The following IZUMO4 variants were observed in gnomAD, a reference collection of about 807,000 sequenced individuals.
The protein encoded by IZUMO4 is izumo sperm-egg fusion protein 4.
IZUMO4 carries 51 observed loss-of-function variants against 37.1 expected under a neutral mutation model. The observed-to-expected ratio is 1.38, with a 90% CI of 1.10 to 1.74. The LOEUF (loss-of-function observed/expected upper bound fraction) is 1.74, where lower values mean the gene tolerates loss of function less well. IZUMO4 is among the 40% of genes most tolerant of loss of function. The pLI is 0.00. For synonymous variants in IZUMO4, 162 were observed against 121.4 expected, an observed-to-expected ratio of 1.33 and a Z score of -2.20; for missense variants, 364 against 299.6, an observed-to-expected ratio of 1.21 and a Z score of -1.59.
Position 2,098,054 on chromosome 19 carries a change from A to G in IZUMO4, c.400A>G (p.Ile134Val). 1 of 1,613,404 alleles carries G rather than the reference A, an allele frequency of 6.2e-7. No homozygotes were observed. The highest frequency in any genetic ancestry group is 1.1e-5 in the South Asian group (1 of 91,092). The change falls in exon 5 of 10, where the codon ATC (isoleucine) becomes GTC (valine). Residue 134 changes from isoleucine (I) to valine (V), a missense_variant and splice_region_variant. By Grantham distance (29) the Ile-to-Val change is conservative. Coordinates refer to ENST00000395301, the MANE Select transcript of IZUMO4 (RefSeq NM_001039846.2). The part of the protein sequence containing the change: ...SRIDCQHRCG[I>V]FQYETISCNN... ...GGCGGCTCTTGTACGTGTTTCAGGCATCTTCCAGTACGAGACCATCTCCTG... is the reference window on the plus strand; with the variant it reads ...GGCGGCTCTTGTACGTGTTTCAGGCGTCTTCCAGTACGAGACCATCTCCTG...
In IZUMO4 at chr19:2,097,879, T is replaced by C. The variant is rs58490024; in HGVS notation, c.371-50T>C. The stretch of plus-strand genomic sequence containing the variant: ...TTGGAGGGTTGGGAGGAGGCAGGAC[T>C]GGGGACAAGGCTGGGCCTGGTAAGA... On this transcript the variant is annotated intron_variant, in intron 3 of 9. Transcript: ENST00000395301. 3.6e-4 allele frequency: 583 copies of C among 1,609,428 alleles called. 8 individuals carry two copies. In the African/African-American group the frequency reaches 6.4e-3, roughly 18 times the overall value.
chr19:2,098,554 G>C, intron 7 of IZUMO4, 104 bp downstream of exon 7: 1 of 1,607,830 alleles, frequency 6.2e-7, no homozygotes, highest in Non-Finnish European at 8.5e-7. Context: ...CCACGTCCTA[G>C]AGGGGCTCCC....
Position 2,097,967 on chromosome 19 carries a change from T to A in IZUMO4, c.397+12T>A, listed in dbSNP as rs2017760323. ...TCAGCACCGCTGTGGTAAGCAAGGC[T>A]CCGTCCAGGCTGAGGGGCGTGCCGG... On this transcript the variant is annotated intron_variant, in intron 4 of 9. Transcript: ENST00000395301. 6.2e-7 allele frequency: 1 copy of A among 1,613,174 alleles called. No individual in the cohort carries two copies. The highest frequency in any genetic ancestry group is 8.5e-7 in the Non-Finnish European group (1 of 1,179,952).
chr19:2,098,344 G>A lies in IZUMO4; in HGVS notation c.521+10G>A, dbSNP rs1471453216. ...GCCTCCTGAACTACATGTGAGTGGGGTCTTTGGGTGGCAGCAAGCTCACCT... is the reference window on the plus strand; with the variant it reads ...GCCTCCTGAACTACATGTGAGTGGGATCTTTGGGTGGCAGCAAGCTCACCT... On this transcript the variant is annotated intron_variant, in intron 6 of 9. Transcript: ENST00000395301. 5 of 1,614,062 alleles carry A rather than the reference G, an allele frequency of 3.1e-6. No homozygotes were observed. Among genetic ancestry groups the A allele is most frequent in the Middle Eastern group, 1.7e-4 (1 of 6,060 alleles).
At chr19:2,099,220 A>G (rs754364490) in intron 9 of IZUMO4, 35 bp from the exon 10 acceptor site, 7 of 1,573,510 alleles carry the variant, frequency 4.4e-6, no homozygotes, top group South Asian at 3.3e-5. Context: ...GGGGTGGGGG[A>G]CATGGAGAGC....
chr19:2,099,134 T>C (rs900902852), intron 9 of IZUMO4, 105 bp downstream of exon 9: 5 of 1,395,672 alleles, frequency 3.6e-6, no homozygotes, highest in Non-Finnish European at 5.1e-6. Flanking sequence ...CACGAGGGTG[T>C]CGTGGATGTG....
Position 2,099,286 on chromosome 19 carries a change from C to T in IZUMO4, c.640C>T (p.Pro214Ser), listed in dbSNP as rs769755172. 3 of 1,612,858 alleles carry T rather than the reference C, an allele frequency of 1.9e-6. No homozygotes were observed. The highest frequency in any genetic ancestry group is 1.7e-6 in the Non-Finnish European group (2 of 1,179,778). Reference sequence around the variant, plus strand: ...ATCGCCAGCCTTAAGGTGTCTGGAGCCCCCACACTTGGCCAACCTGACCTT... The same window carrying T: ...ATCGCCAGCCTTAAGGTGTCTGGAGTCCCCACACTTGGCCAACCTGACCTT... Reference protein sequence around the residue: ...LVSPALRCLEPPHLANLTLED... With the variant: ...LVSPALRCLESPHLANLTLED... Residue 214 changes from proline to serine, a missense_variant, in exon 10 of 10, where the codon CCC becomes TCC. Coordinates refer to ENST00000395301, the MANE Select transcript of IZUMO4 (RefSeq NM_001039846.2).
chr19:2,097,849 A>AG, intron 3 of IZUMO4, 80 bp from the exon 4 acceptor site: 1 of 1,554,000 alleles, frequency 6.4e-7, no homozygotes, highest in Non-Finnish European at 8.9e-7. Flanking sequence ...ACAGGCCCTG[A>AG]GGCTTTGGAG....
rs2144954760 is a variant in IZUMO4, at chr19:2,098,034, C to G, written c.398-18C>G. ...TGGAGGCTGAGGGGAGCCCTGGCGGCTCTTGTACGTGTTTCAGGCATCTTC... is the reference window on the plus strand; with the variant it reads ...TGGAGGCTGAGGGGAGCCCTGGCGGGTCTTGTACGTGTTTCAGGCATCTTC... On this transcript the variant is annotated intron_variant, in intron 4 of 9. Coordinates refer to ENST00000395301, the MANE Select transcript of IZUMO4 (RefSeq NM_001039846.2). 3 of 1,613,290 alleles carry G rather than the reference C, an allele frequency of 1.9e-6. No homozygotes were observed. The highest frequency in any genetic ancestry group is 2.5e-6 in the Non-Finnish European group (3 of 1,179,990).
chr19:2,098,292 C>G lies in IZUMO4; in HGVS notation c.479C>G (p.Ser160Trp). Reference protein sequence around the residue: ...VACFGYNCESSAQWKSAVQGL... With the variant: ...VACFGYNCESWAQWKSAVQGL... ...TCCAAGCCTGTGTCCCACAGGTCCTCGGCGCAGTGGAAGTCAGCTGTCCAG... is the reference window on the plus strand; with the variant it reads ...TCCAAGCCTGTGTCCCACAGGTCCTGGGCGCAGTGGAAGTCAGCTGTCCAG... Residue 160 changes from serine (S) to tryptophan (W), a missense_variant, in exon 6 of 10, where the codon TCG becomes TGG. Ser to Trp is a radical substitution (Grantham distance 177, BLOSUM62 -3). Transcript: ENST00000395301. 6.2e-7 allele frequency: 1 copy of G among 1,613,872 alleles called. No individual in the cohort carries two copies. Among genetic ancestry groups the G allele is most frequent in the Non-Finnish European group, 8.5e-7 (1 of 1,180,034 alleles).
At chr19:2,098,000 T>A in intron 4 of IZUMO4, 45 bp downstream of exon 4, 1 of 1,613,086 alleles carries the variant, frequency 6.2e-7, no homozygotes, top group Non-Finnish European at 8.5e-7. Context: ...CGGTGGCAGC[T>A]CGGGGCCCTG....
At position 2,099,329 on chromosome 19, in the gene IZUMO4, G is replaced by A. The variant is rs765789061; in HGVS notation, c.683G>A (p.Cys228Tyr). Reference sequence around the variant, plus strand: ...CTGACCTTGGAAGATGCTGCTGAGTGTCTCAAGCAGCACTGACAGCAGCTG... The same window carrying A: ...CTGACCTTGGAAGATGCTGCTGAGTATCTCAAGCAGCACTGACAGCAGCTG... ...ANLTLEDAAE[C>Y]LKQH Residue 228 changes from cysteine to tyrosine, a missense_variant, in exon 10 of 10, where the codon TGT (cysteine) becomes TAT (tyrosine). By Grantham distance (194) the Cys-to-Tyr change is radical. Transcript: ENST00000395301. The A allele has an allele frequency of 6.2e-7, 1 of 1,612,246 alleles. No individual in the cohort carries two copies. Among genetic ancestry groups the A allele is most frequent in the African/African-American group, 1.3e-5 (1 of 74,890 alleles).
rs768114083 is a variant in IZUMO4 at position 2,099,005 on chromosome 19, GGACACACAGA to G, written c.586_595del (p.Thr196ProfsTer11). On this transcript the variant is annotated frameshift_variant, in exon 9 of 10. Transcript: ENST00000395301. LOFTEE classifies it low-confidence loss of function (END_TRUNC). ...CGCTCCTCTGCCTTCTCCTGGCCTGGGACACACAGAGCCACCCCGGCCTTGTGAGTGACCC... is the reference window on the plus strand; with the variant it reads ...CGCTCCTCTGCCTTCTCCTGGCCTGGGCCACCCCGGCCTTGTGAGTGACCC... 6.2e-6 allele frequency: 10 copies of G among 1,613,134 alleles called. No homozygotes were observed. Among genetic ancestry groups the G allele is most frequent in the Admixed American group, 1.7e-5 (1 of 60,020 alleles).
chr19:2,098,166 T>C, intron 5 of IZUMO4, 39 bp downstream of exon 5: 1 of 1,609,224 alleles, frequency 6.2e-7, no homozygotes, highest in Non-Finnish European at 8.5e-7. Context: ...GCCAGGGCCC[T>C]ACTGTCCCTG....
In IZUMO4 at chr19:2,097,349, C is replaced by A. The variant is rs1249535166; in HGVS notation, c.298+17C>A. The A allele has an allele frequency of 1.9e-6, 3 of 1,612,110 alleles. No homozygotes were observed. Among genetic ancestry groups the A allele is most frequent in the Non-Finnish European group, 2.5e-6 (3 of 1,179,532 alleles). ...ACTTCCCCGGTAAGGGGCGCGAAACCGAGGCGGGGCCCCCCCACCCCGGGA... is the reference window on the plus strand; with the variant it reads ...ACTTCCCCGGTAAGGGGCGCGAAACAGAGGCGGGGCCCCCCCACCCCGGGA... On this transcript the variant is annotated intron_variant, in intron 2 of 9. Transcript: ENST00000395301.
chr19:2,098,839 G>A (rs1415720165), intron 8 of IZUMO4, 35 bp downstream of exon 8: 6 of 1,589,618 alleles, frequency 3.8e-6, no homozygotes, highest in Middle Eastern at 1.7e-4. Context: ...CAGGGGGAGG[G>A]GGTAAAGGGA....
Position 2,097,491 on chromosome 19 carries a change from C to T in IZUMO4, c.366C>T (p.Ile122=). The T allele has an allele frequency of 1.2e-6, 2 of 1,612,792 alleles. No homozygotes were observed. The highest frequency in any genetic ancestry group is 1.7e-6 in the Non-Finnish European group (2 of 1,179,358). ...TGCACCTCATCCAGAACGCCATCAT[C>T]GAAAGTGAGCAAATAAGGCTTCAGA... ...EQVHLIQNAI[I]ESRIDCQHRC... The change falls in exon 3 of 10, where the codon ATC becomes ATT. Residue 122 remains isoleucine, a synonymous_variant. Coordinates refer to ENST00000395301, the MANE Select transcript of IZUMO4 (RefSeq NM_001039846.2).
rs1267069987 is a variant in IZUMO4 at position 2,097,430 on chromosome 19, T to TC, written c.309dup (p.Asn104GlnfsTer53). 4 of 1,613,026 alleles carry TC rather than the reference T, an allele frequency of 2.5e-6. No homozygotes were observed. Among genetic ancestry groups the TC allele is most frequent in the Non-Finnish European group, 3.4e-6 (4 of 1,179,910 alleles). ...TCCTGCCTCGACGACTCAGGGTATT[T>TC]CCCCAACGAGCTGCGAAACATCTTC... On this transcript the variant is annotated frameshift_variant, in exon 3 of 10. Transcript: ENST00000395301. LOFTEE classifies it high-confidence loss of function.
At chr19:2,099,162 A>C (rs938736092) in intron 9 of IZUMO4, 93 bp from the exon 10 acceptor site, 1 of 1,390,930 alleles carries the variant, frequency 7.2e-7, no homozygotes, top group Non-Finnish European at 1.0e-6. Flanking sequence ...ATAGGACCAC[A>C]CGTCCCAGCT....
Sources: gnomAD v4.1 joint callset for allele counts on GRCh38, gnomAD v4.1.1 for gene constraint, MANE v1.5 for transcripts, NCBI Gene and HGNC (gene_info 2026-07-23, HGNC 2026-07-21) for gene names.